SUCLG2: variants seen among roughly 807,000 people sequenced by gnomAD.
The protein encoded by SUCLG2 is succinate-CoA ligase GDP-forming subunit beta, also known as succinate--CoA ligase [GDP-forming] subunit beta, mitochondrial.
In SUCLG2, 42 loss-of-function variants were observed where a neutral mutation model predicts 47.9. The observed-to-expected ratio is 0.88, with a 90% CI of 0.69 to 1.14. The LOEUF is 1.14. Among genes scored for constraint, SUCLG2 ranks in the 50% most tolerant of loss-of-function variants. The probability of loss-of-function intolerance (pLI) is 0.00; values close to 1 mark genes in which losing one functional copy is unlikely to be tolerated. For missense variants in SUCLG2, 571 were observed against 525.9 expected, an observed-to-expected ratio of 1.09 and a Z score of -0.84; for synonymous variants, 195 against 197.3, an observed-to-expected ratio of 0.99 and a Z score of 0.10.
At chr3:67,524,722 G>A (rs1706208705) in intron 4 of SUCLG2, among the ~76,000 whole-genome samples, 2 of 152,106 alleles carry the variant, frequency 1.3e-5, no homozygotes, top group African/African-American at 4.8e-5. Context: ...AAAAGCCTTG[G>A]ACATATATAT....
At chr3:67,376,951 A>T (rs1357413938) in intron 10 of SUCLG2, among the ~76,000 whole-genome samples, 2 of 152,212 alleles carry the variant, frequency 1.3e-5, no homozygotes, top group Admixed American at 6.5e-5. Context: ...CTTGTTATGT[A>T]GTTTTGGGTA....
intron 9 of SUCLG2, among the ~76,000 whole-genome samples, chr3:67,427,752 G>A (rs940073606): frequency 6.6e-6 from 1 of 152,146 alleles, no homozygotes; most frequent in Non-Finnish European, 1.5e-5. Flanking sequence ...GGAAAATCAG[G>A]ACACTTCCAC....
chr3:67,642,918 C>CTGTGTGTGTG (rs3221813), intron 1 of SUCLG2, among the ~76,000 whole-genome samples: 14 of 146,618 alleles, frequency 9.5e-5, no homozygotes, highest in Admixed American at 4.8e-4. Context: ...GAAAAGGACT[C>CTGTGTGTGTG]TGTGTGTGTG....
intron 2 of SUCLG2, among the ~76,000 whole-genome samples, chr3:67,601,914 A>G (rs998238605): frequency 6.6e-6 from 1 of 152,152 alleles, no homozygotes; most frequent in African/African-American, 2.4e-5. Flanking sequence ...CCTGGGAGGC[A>G]GAGATTGCAG....
At chr3:67,363,405 G>C (rs1701834991) in intron 10 of SUCLG2, among the ~76,000 whole-genome samples, 1 of 152,162 alleles carries the variant, frequency 6.6e-6, no homozygotes, top group Admixed American at 6.5e-5. Context: ...TTTGATGTCT[G>C]ACTGCCAGGA....
chr3:67,598,685 CA>C (rs1708348904), intron 2 of SUCLG2, among the ~76,000 whole-genome samples: 1 of 152,172 alleles, frequency 6.6e-6, no homozygotes, highest in Non-Finnish European at 1.5e-5. Context: ...ACCCCTGCAT[CA>C]CCCAGTGTAT....
intron 9 of SUCLG2, among the ~76,000 whole-genome samples, chr3:67,461,796 G>A (rs1178454918): frequency 2.6e-5 from 4 of 152,098 alleles, no homozygotes; most frequent in Non-Finnish European, 5.9e-5. Flanking sequence ...GAGAACAGCT[G>A]ATCTGGTCCA....
chr3:67,406,600 C>G (rs1702815976), intron 9 of SUCLG2, among the ~76,000 whole-genome samples: 1 of 152,084 alleles, frequency 6.6e-6, no homozygotes, highest in Non-Finnish European at 1.5e-5. Flanking sequence ...GGTGGAGGAA[C>G]AGAAAAGAGT....
chr3:67,574,135 C>A (rs961063829), intron 2 of SUCLG2, among the ~76,000 whole-genome samples: 1 of 152,178 alleles, frequency 6.6e-6, no homozygotes, highest in African/African-American at 2.4e-5. Context: ...TCAAATACCT[C>A]CTCCTCCTTT....
At chr3:67,644,850 C>A (rs1039476443) in intron 1 of SUCLG2, among the ~76,000 whole-genome samples, 1 of 152,084 alleles carries the variant, frequency 6.6e-6, no homozygotes, top group Non-Finnish European at 1.5e-5. Flanking sequence ...CCTCAACACC[C>A]TAAAAGTCAA....
chr3:67,425,419 T>G (rs906631173), intron 9 of SUCLG2, among the ~76,000 whole-genome samples: 1 of 152,126 alleles, frequency 6.6e-6, no homozygotes, highest in African/African-American at 2.4e-5. Context: ...TCTGAGAGTG[T>G]TTCCACAAGA....
chr3:67,565,503 A>G (rs562251575), intron 2 of SUCLG2, among the ~76,000 whole-genome samples: 23 of 152,328 alleles, frequency 1.5e-4, no homozygotes, highest in Middle Eastern at 3.4e-3. Context: ...TTCATTGGCC[A>G]CTGGCTTAAG....
intron 2 of SUCLG2, 146 bp from the exon 3 acceptor site, chr3:67,529,332 A>G (rs1236737748): frequency 7.9e-6 from 5 of 631,460 alleles, no homozygotes; most frequent in Non-Finnish European, 1.4e-5. Flanking sequence ...TGCAATGAAG[A>G]ACTTCAAAAA....
intron 9 of SUCLG2, among the ~76,000 whole-genome samples, chr3:67,469,335 T>C (rs1188785563): frequency 1.3e-5 from 2 of 152,178 alleles, no homozygotes; most frequent in Non-Finnish European, 2.9e-5. Context: ...TAACTGGACA[T>C]AAGTTCTTAA....
At chr3:67,385,544 C>T (rs1702242202) in intron 10 of SUCLG2, among the ~76,000 whole-genome samples, 1 of 152,238 alleles carries the variant, frequency 6.6e-6, no homozygotes, top group Non-Finnish European at 1.5e-5. Context: ...CCGCCCCTTC[C>T]TCTGGCCTTC....
chr3:67,402,396 A>C (rs537175804), intron 9 of SUCLG2, among the ~76,000 whole-genome samples: 9 of 152,386 alleles, frequency 5.9e-5, no homozygotes, highest in Non-Finnish European at 1.0e-4. Flanking sequence ...ATTCAACAAA[A>C]AGGTAATGCC....
At chr3:67,409,344 C>T (rs926055620) in intron 9 of SUCLG2, among the ~76,000 whole-genome samples, 5 of 152,078 alleles carry the variant, frequency 3.3e-5, no homozygotes, top group Non-Finnish European at 5.9e-5. Flanking sequence ...CACTATTATT[C>T]TTTGAAATTA....
At chr3:67,433,104 A>G (rs1575691963) in intron 9 of SUCLG2, among the ~76,000 whole-genome samples, 1 of 151,928 alleles carries the variant, frequency 6.6e-6, no homozygotes, top group East Asian at 1.9e-4. Context: ...GTTTTTCCTC[A>G]CTGTACTTCT....
At chr3:67,429,072 C>A (rs1226412527) in intron 9 of SUCLG2, among the ~76,000 whole-genome samples, 1 of 152,136 alleles carries the variant, frequency 6.6e-6, no homozygotes, top group Non-Finnish European at 1.5e-5. Flanking sequence ...CAAGGCAGGC[C>A]AACATTCAGA....
Sources: allele counts gnomAD v4.1 joint callset (sites outside exome capture counted in the v4.1 genomes callset), GRCh38; gene constraint gnomAD v4.1.1; transcripts MANE v1.5; gene names NCBI Gene and HGNC (gene_info 2026-07-23, HGNC 2026-07-21).